USP50: variants seen among roughly 807,000 people sequenced by gnomAD.
USP50 encodes the protein ubiquitin specific peptidase 50.
USP50 carries 37 observed loss-of-function variants against 39.2 expected under a neutral mutation model. That is an observed-to-expected ratio of 0.94 (90% confidence interval 0.73 to 1.24). USP50 has a LOEUF of 1.24. USP50 is among the 50% of genes most tolerant of loss of function. The pLI is 0.00. For synonymous variants in USP50, 139 were observed against 144.5 expected (o/e 0.96, Z 0.27); for missense variants, 374 against 398.2 (o/e 0.94, Z 0.52).
intron 5 of USP50, among the ~76,000 whole-genome samples, chr15:50,538,002 C>T (rs1310651263): frequency 6.7e-6 from 1 of 150,348 alleles, no homozygotes; most frequent in Non-Finnish European, 1.5e-5. Context: ...CCTGGCCAGG[C>T]GTGGGGGCTC....
chr15:50,535,590 A>G (rs1228126348), intron 5 of USP50, among the ~76,000 whole-genome samples: 1 of 152,254 alleles, frequency 6.6e-6, no homozygotes, highest in Non-Finnish European at 1.5e-5. Context: ...ACTTCTAAAT[A>G]ACACAAGTCA....
chr15:50,520,370 G>A (rs569824091), intron 6 of USP50, among the ~76,000 whole-genome samples: 2 of 149,332 alleles, frequency 1.3e-5, no homozygotes, highest in East Asian at 2.0e-4. Context: ...GCATGGTCTC[G>A]GCTCACTTTA....
At chr15:50,543,120 G>A (rs921596644) in intron 3 of USP50, among the ~76,000 whole-genome samples, 7 of 152,128 alleles carry the variant, frequency 4.6e-5, no homozygotes, top group South Asian at 2.1e-4. Flanking sequence ...TTTGTAGTGC[G>A]TAGATCTGTT....
chr15:50,527,220 T>C (rs115552735), intron 6 of USP50, among the ~76,000 whole-genome samples: 1,597 of 152,262 alleles, frequency 0.01, 25 homozygotes, highest in African/African-American at 0.037. Context: ...TTTTCTTTTT[T>C]CTGAGACGGA....
At chr15:50,530,783 G>C (rs997333961) in intron 5 of USP50, among the ~76,000 whole-genome samples, 1 of 152,106 alleles carries the variant, frequency 6.6e-6, no homozygotes, top group African/African-American at 2.4e-5. Flanking sequence ...GGATAACCAA[G>C]GCTCAACATT....
At chr15:50,494,854 A>AAAATAC (rs1258046267) in intron 1 of USP50, among the ~76,000 whole-genome samples, 2 of 152,242 alleles carry the variant, frequency 1.3e-5, no homozygotes, top group African/African-American at 4.8e-5. Context: ...GTCTCTACTA[A>AAAATAC]AAATACAAAA....
intron 6 of USP50, among the ~76,000 whole-genome samples, chr15:50,528,065 GTTTTT>G (rs57802702): frequency 0.072 from 9,297 of 128,612 alleles, 471 homozygotes; most frequent in African/African-American, 0.16. Context: ...AAAGAACTAA[GTTTTT>G]TTTTTTTTTT....
At chr15:50,495,484 G>T (rs915501613) in intron 1 of USP50, among the ~76,000 whole-genome samples, 4 of 115,408 alleles carry the variant, frequency 3.5e-5, no homozygotes, top group Non-Finnish European at 7.0e-5. Flanking sequence ...AGTAGAGATT[G>T]GAGGGGGGGG....
chr15:50,500,034 A>G (rs1417229794), downstream of USP50: 1 of 152,154 alleles, frequency 6.6e-6, no homozygotes, highest in Non-Finnish European at 1.5e-5. Flanking sequence ...AGGAGCTTAT[A>G]ATTTATTTAA....
chr15:50,519,280 C>G (rs1272317761), intron 6 of USP50, among the ~76,000 whole-genome samples: 1 of 151,918 alleles, frequency 6.6e-6, no homozygotes, highest in East Asian at 1.9e-4. Flanking sequence ...GAGCGAGACT[C>G]TGTCTCAAAA....
chr15:50,533,999 CA>C (rs1225834636), intron 5 of USP50, among the ~76,000 whole-genome samples: 3 of 147,318 alleles, frequency 2.0e-5, no homozygotes, highest in Admixed American at 6.7e-5. Context: ...GACTCCATCT[CA>C]AAAAAAAAGA....
At chr15:50,540,214 T>A (rs767644716) in intron 4 of USP50, among the ~76,000 whole-genome samples, 6 of 152,210 alleles carry the variant, frequency 3.9e-5, no homozygotes, top group Non-Finnish European at 5.9e-5. Context: ...ACCCACCCCA[T>A]GCCCACATCC....
At chr15:50,516,329 T>C (rs1052294792) in intron 6 of USP50, among the ~76,000 whole-genome samples, 3 of 152,138 alleles carry the variant, frequency 2.0e-5, no homozygotes, top group African/African-American at 7.2e-5. Flanking sequence ...ATGCCAGATG[T>C]GGAGGCTCAC....
chr15:50,517,477 A>G (rs1005824533), intron 6 of USP50, among the ~76,000 whole-genome samples: 3 of 152,102 alleles, frequency 2.0e-5, no homozygotes, highest in Non-Finnish European at 4.4e-5. Context: ...CATCTCAAAA[A>G]AAAAAAAATA....
At chr15:50,523,969 A>C (rs2052869823) in intron 6 of USP50, among the ~76,000 whole-genome samples, 1 of 152,234 alleles carries the variant, frequency 6.6e-6, no homozygotes, top group African/African-American at 2.4e-5. Context: ...GAATGCTCAG[A>C]AATAAACCCA....
Position 50,500,708 on chromosome 15 carries a change from C to A in USP50, c.*61G>T. 6.8e-7 allele frequency: 1 copy of A among 1,475,918 alleles called. No homozygotes were observed. Among genetic ancestry groups the A allele is most frequent in the South Asian group, 1.2e-5 (1 of 82,496 alleles). 91.4% of individuals were successfully genotyped at this position (1,475,918 alleles called of 1,614,324 possible). ...GGCTGGCAGCTATAGAACAGGAGAT[C>A]CATAGCATTTTGAACAGAAGTATCT... On this transcript the variant is annotated 3_prime_UTR_variant, in exon 7 of 7. Transcript: ENST00000532404.
chr15:50,534,789 CAAG>C (rs2141374410), intron 5 of USP50, among the ~76,000 whole-genome samples: 1 of 152,192 alleles, frequency 6.6e-6, no homozygotes, highest in South Asian at 2.1e-4. Flanking sequence ...ATCACTTTTT[CAAG>C]AAGACATAGA....
At chr15:50,505,639 A>G (rs1228830602) in intron 6 of USP50, 1 of 152,228 alleles carries the variant, frequency 6.6e-6, no homozygotes, top group African/African-American at 2.4e-5. Flanking sequence ...AAACCATGAT[A>G]ATGTCTCCTT....
chr15:50,508,466 AAAAG>A (rs2052693501), intron 6 of USP50: 2 of 152,156 alleles, frequency 1.3e-5, no homozygotes, highest in South Asian at 4.1e-4. Flanking sequence ...CTATAATAAA[AAAAG>A]GCAGAGAAAG....
Sources: gnomAD v4.1 joint callset for allele counts (sites outside exome capture counted in the v4.1 genomes callset) on GRCh38, gnomAD v4.1.1 for gene constraint, MANE v1.5 for transcripts, NCBI Gene and HGNC (gene_info 2026-07-23, HGNC 2026-07-21) for gene names.